AOPEP: variants seen among roughly 807,000 people sequenced by gnomAD.
AOPEP encodes aminopeptidase O.
A neutral mutation model predicts 98.1 loss-of-function variants in AOPEP; 77 were observed. That is an observed-to-expected ratio of 0.78 (90% CI 0.65 to 0.95). The LOEUF (loss-of-function observed/expected upper bound fraction) is 0.95. Among genes scored for constraint, AOPEP ranks in the 40% least tolerant of loss-of-function variants. The probability of loss-of-function intolerance (pLI) is 0.00; values close to 1 mark genes in which losing one functional copy is unlikely to be tolerated. For synonymous variants in AOPEP, 346 were observed against 365.3 expected, an observed-to-expected ratio of 0.95 and a Z score of 0.60; for missense variants, 1,024 against 1,024.7, an observed-to-expected ratio of 1.00 and a Z score of 0.01.
chr9:95,032,320 G>T (rs991503165), intron 13 of AOPEP, among the ~76,000 whole-genome samples: 2 of 152,234 alleles, frequency 1.3e-5, no homozygotes, highest in Non-Finnish European at 2.9e-5. Flanking sequence ...TTCTGGGCCA[G>T]AAAGACTGGC....
chr9:94,897,364 G>A (rs56242694), intron 5 of AOPEP, among the ~76,000 whole-genome samples: 4,398 of 152,008 alleles, frequency 0.029, 170 homozygotes, highest in African/African-American at 0.084. Flanking sequence ...TGAGACATCC[G>A]ATTCACAATT....
intron 13 of AOPEP, among the ~76,000 whole-genome samples, chr9:95,012,767 A>G (rs2062633234): frequency 6.6e-6 from 1 of 152,090 alleles, no homozygotes. Flanking sequence ...AATCTCCAAC[A>G]CTTAGAAAAA....
At chr9:94,787,784 A>T (rs1475328933) in intron 3 of AOPEP, among the ~76,000 whole-genome samples, 1 of 152,138 alleles carries the variant, frequency 6.6e-6, no homozygotes, top group Non-Finnish European at 1.5e-5. Context: ...TGGGTTTATT[A>T]TACCCGTTTT....
intron 1 of AOPEP, among the ~76,000 whole-genome samples, chr9:94,735,437 G>A (rs1404586446): frequency 1.3e-5 from 2 of 152,102 alleles, no homozygotes; most frequent in African/African-American, 4.8e-5. Flanking sequence ...AGCCAGGATG[G>A]TCTCGATCTC....
chr9:94,921,126 G>A (rs2053560674), intron 5 of AOPEP: 1 of 151,698 alleles, frequency 6.6e-6, no homozygotes, highest in South Asian at 2.1e-4. Context: ...TGTCATTGAA[G>A]TGATTATCTT....
At chr9:94,833,896 G>A (rs527491189) in intron 5 of AOPEP, among the ~76,000 whole-genome samples, 1 of 150,014 alleles carries the variant, frequency 6.7e-6, no homozygotes, top group East Asian at 1.9e-4. Flanking sequence ...TAGAATGAGA[G>A]TATTATTTTT....
intron 7 of AOPEP, among the ~76,000 whole-genome samples, chr9:94,940,885 G>A (rs1388076992): frequency 1.3e-5 from 2 of 151,936 alleles, no homozygotes; most frequent in Non-Finnish European, 2.9e-5. Flanking sequence ...CAAGGCATCT[G>A]CTCCTGTCTC....
At chr9:94,901,256 A>G (rs988496999) in intron 5 of AOPEP, among the ~76,000 whole-genome samples, 1 of 152,232 alleles carries the variant, frequency 6.6e-6, no homozygotes, top group Admixed American at 6.5e-5. Context: ...CAAAAAGTAT[A>G]GAGTATTCAA....
At chr9:94,940,706 C>T (rs2056915157) in intron 7 of AOPEP, among the ~76,000 whole-genome samples, 1 of 152,228 alleles carries the variant, frequency 6.6e-6, no homozygotes, top group Non-Finnish European at 1.5e-5. Context: ...TGTCCTCTGG[C>T]ACTTGGAAAA....
the AOPEP span, among the ~76,000 whole-genome samples, chr9:95,105,633 G>C: frequency 2.0e-5 from 3 of 152,052 alleles, no homozygotes; most frequent in Non-Finnish European, 4.4e-5. Flanking sequence ...CCCTTTCCAT[G>C]ATCCCCACAC....
chr9:94,845,265 C>T (rs1588506749), intron 5 of AOPEP, among the ~76,000 whole-genome samples: 2 of 152,176 alleles, frequency 1.3e-5, no homozygotes, highest in Non-Finnish European at 2.9e-5. Context: ...TGGGGCAGAG[C>T]CCCCGAGGTG....
At chr9:95,033,604 T>C (rs2064517400) in intron 13 of AOPEP, among the ~76,000 whole-genome samples, 1 of 152,264 alleles carries the variant, frequency 6.6e-6, no homozygotes. Flanking sequence ...TTCGTAAAAA[T>C]GAAGTAGTAG....
At chr9:95,145,248 T>C in the AOPEP span, 1 of 152,228 alleles carries the variant, frequency 6.6e-6, no homozygotes, top group Non-Finnish European at 1.5e-5. Flanking sequence ...GAAAATCTAT[T>C]TGAAGATGGA....
At chr9:94,899,141 C>T (rs1381359136) in intron 5 of AOPEP, among the ~76,000 whole-genome samples, 1 of 144,858 alleles carries the variant, frequency 6.9e-6, no homozygotes, top group Non-Finnish European at 1.5e-5. Context: ...AAGTGGAGGA[C>T]TGATGGGAGG....
At chr9:95,022,869 T>C (rs541746142) in intron 13 of AOPEP, among the ~76,000 whole-genome samples, 3 of 152,330 alleles carry the variant, frequency 2.0e-5, no homozygotes, top group African/African-American at 7.2e-5. Flanking sequence ...CATTAACTTA[T>C]TTTTCCATAG....
chr9:95,029,127 T>A (rs948894554), intron 13 of AOPEP, among the ~76,000 whole-genome samples: 3 of 152,136 alleles, frequency 2.0e-5, no homozygotes, highest in Admixed American at 6.5e-5. Flanking sequence ...TAGGATGTGG[T>A]CCTCTATACT....
intron 5 of AOPEP, among the ~76,000 whole-genome samples, chr9:94,909,368 AAG>A (rs1491451735): frequency 1.3e-5 from 2 of 151,602 alleles, no homozygotes; most frequent in Non-Finnish European, 2.9e-5. Flanking sequence ...AAAAAAAAAA[AAG>A]AATGAGAAAA....
At chr9:95,141,854 A>T in the AOPEP span, among the ~76,000 whole-genome samples, 1 of 152,178 alleles carries the variant, frequency 6.6e-6, no homozygotes, top group Admixed American at 6.5e-5. Flanking sequence ...TTAAGCTTAC[A>T]TCTGGTTTTA....
intron 16 of AOPEP, among the ~76,000 whole-genome samples, chr9:95,083,380 G>GCA (rs1039062676): frequency 1.4e-5 from 2 of 146,200 alleles, no homozygotes; most frequent in Admixed American, 1.4e-4. Flanking sequence ...AGCACACGCG[G>GCA]CACACACAGC....
Sources: gnomAD v4.1 joint callset for allele counts (sites outside exome capture counted in the v4.1 genomes callset) on GRCh38, gnomAD v4.1.1 for gene constraint, MANE v1.5 for transcripts, NCBI Gene and HGNC (gene_info 2026-07-23, HGNC 2026-07-21) for gene names.